The following ARHGEF3 variants were observed in gnomAD, a reference collection of about 807,000 sequenced individuals.
ARHGEF3 encodes the protein 59.8 kDA protein.
A neutral mutation model predicts 63.2 loss-of-function variants in ARHGEF3; 28 were observed. The observed-to-expected ratio is 0.44, with a 90% CI of 0.33 to 0.61. The LOEUF (loss-of-function observed/expected upper bound fraction) is 0.61. Among genes scored for constraint, ARHGEF3 ranks in the 20% least tolerant of loss-of-function variants. ARHGEF3 has a pLI of 0.03. For missense variants in ARHGEF3, 533 were observed against 659.3 expected, an observed-to-expected ratio of 0.81 and a Z score of 2.10; for synonymous variants, 266 against 254.2, an observed-to-expected ratio of 1.05 and a Z score of -0.44.
intron 2 of ARHGEF3, among the ~76,000 whole-genome samples, chr3:56,980,163 C>T (rs1327882507): frequency 6.6e-6 from 1 of 152,164 alleles, no homozygotes; most frequent in Non-Finnish European, 1.5e-5. Flanking sequence ...CCTACAAATC[C>T]AATAAGTAAG....
intron 3 of ARHGEF3, chr3:56,940,227 T>A (rs1699107763): frequency 6.6e-6 from 1 of 152,304 alleles, no homozygotes; most frequent in East Asian, 1.9e-4. Context: ...CATACCCCTG[T>A]ACCTTTAAAA....
intron 3 of ARHGEF3, among the ~76,000 whole-genome samples, chr3:56,927,827 T>C (rs907881193): frequency 1.3e-5 from 2 of 152,220 alleles, no homozygotes; most frequent in African/African-American, 4.8e-5. Flanking sequence ...GGGATAACAA[T>C]AGTACTGCCT....
At position 56,882,175 on chromosome 3, in the gene ARHGEF3, A is replaced by C. The variant is rs553125689; in HGVS notation, c.192+117T>G. ...TAAAAAAAATTTCCCCCAGGTCACA[A>C]CTTCCATAGTCAGATCCTGGAAGCC... On this transcript the variant is annotated intron_variant, in intron 4 of 12. Transcript: ENST00000338458. The C allele has an allele frequency of 5.0e-6, 5 of 1,009,606 alleles. No homozygotes were observed. The South Asian group carries it at 9.2e-5, about 19-fold the overall frequency. The allele number at this position is 1,009,606 out of a possible 1,614,324, so 62.5% of individuals were successfully genotyped here.
chr3:56,748,106 C>T (rs2034502639), intron 6 of ARHGEF3, among the ~76,000 whole-genome samples: 4 of 152,214 alleles, frequency 2.6e-5, no homozygotes, highest in Admixed American at 2.6e-4. Flanking sequence ...ATGATCATGG[C>T]TTACTGCAGC....
intron 4 of ARHGEF3, among the ~76,000 whole-genome samples, chr3:56,875,104 A>G (rs1004382379): frequency 6.6e-6 from 1 of 152,192 alleles, no homozygotes; most frequent in Non-Finnish European, 1.5e-5. Context: ...GGCCTCAGGC[A>G]AGTTTATAAC....
At chr3:56,897,627 C>T (rs2041346823) in intron 3 of ARHGEF3, among the ~76,000 whole-genome samples, 1 of 147,160 alleles carries the variant, frequency 6.8e-6, no homozygotes, top group South Asian at 2.2e-4. Flanking sequence ...GTGGTGTGAT[C>T]TCGGCTCACT....
At chr3:56,960,316 T>C (rs1223018424) in intron 2 of ARHGEF3, among the ~76,000 whole-genome samples, 1 of 152,196 alleles carries the variant, frequency 6.6e-6, no homozygotes, top group Non-Finnish European at 1.5e-5. Flanking sequence ...GGATATTAAG[T>C]GCTTTGATTC....
chr3:57,019,100 C>G (rs1703139892), intron 2 of ARHGEF3, among the ~76,000 whole-genome samples: 1 of 152,174 alleles, frequency 6.6e-6, no homozygotes, highest in African/African-American at 2.4e-5. Context: ...GCCCATAAAC[C>G]AGGACCATCC....
intron 2 of ARHGEF3, among the ~76,000 whole-genome samples, chr3:56,771,213 G>T (rs1467620960): frequency 6.6e-6 from 1 of 151,996 alleles, no homozygotes; most frequent in Non-Finnish European, 1.5e-5. Context: ...TCTCATCCTT[G>T]CTTGGCCTCA....
intron 3 of ARHGEF3, among the ~76,000 whole-genome samples, chr3:56,927,628 G>A: frequency 6.6e-6 from 1 of 152,158 alleles, no homozygotes; most frequent in East Asian, 1.9e-4. Flanking sequence ...CCTAAAGTGT[G>A]TTTGTGCAGT....
intron 2 of ARHGEF3, among the ~76,000 whole-genome samples, chr3:56,965,284 T>C (rs1700442715): frequency 6.6e-6 from 1 of 152,072 alleles, no homozygotes; most frequent in Non-Finnish European, 1.5e-5. Context: ...ACAATAAGAA[T>C]GTTATCAATA....
At chr3:56,779,476 G>GT (rs1189979162) in intron 1 of ARHGEF3, among the ~76,000 whole-genome samples, 134 of 150,908 alleles carry the variant, frequency 8.9e-4, no homozygotes, top group African/African-American at 3.0e-3. Context: ...AAAATAAAAA[G>GT]TTTTTTTTTA....
At chr3:56,939,554 A>G (rs144434006) in intron 3 of ARHGEF3, among the ~76,000 whole-genome samples, 2 of 152,340 alleles carry the variant, frequency 1.3e-5, no homozygotes, top group East Asian at 1.9e-4. Flanking sequence ...CAGTCTAGAA[A>G]TGGCTTAAGA....
At chr3:56,996,221 C>A (rs560917015) in intron 2 of ARHGEF3, among the ~76,000 whole-genome samples, 34 of 152,094 alleles carry the variant, frequency 2.2e-4, no homozygotes, top group Non-Finnish European at 4.4e-4. Flanking sequence ...TGCTGAGCCA[C>A]CCTCCCTCAT....
rs533871520 is a variant in ARHGEF3, at chr3:56,949,910, A to G, written c.129+8913T>C. Among the ~76,000 whole-genome samples the G allele has an allele frequency of 5.3e-5, 8 of 152,202 alleles. No individual in the cohort carries two copies. The South Asian group carries it at 1.5e-3, about 28-fold the overall frequency. On this transcript the variant is annotated intron_variant, in intron 3 of 12. Coordinates refer to the ARHGEF3 transcript ENST00000338458. ...ACAAGGCTACAGTAACCAAAACAGC[A>G]TGGTACTGGTACCAAAACAGAGATA... is the stretch of plus-strand genomic sequence containing the variant.
chr3:56,990,891 G>C lies in ARHGEF3; in HGVS notation c.63-32002C>G, dbSNP rs13067011. On this transcript the variant is annotated intron_variant, in intron 2 of 12. Transcript: ENST00000338458. ...CCAGAGGAACAATAATCCTGCCTAA[G>C]GGGTCAGGTGAGGGGTGAGCGTGAG... Among the ~76,000 whole-genome samples, 41 of 152,274 alleles carry C rather than the reference G, an allele frequency of 2.7e-4. 4 individuals are homozygous for C. Among genetic ancestry groups the C allele is most frequent in the Admixed American group, 2.2e-3 (34 of 15,298 alleles).
rs1482600075 is a variant in ARHGEF3, at chr3:56,929,048, CTG to C, written c.129+29773_129+29774del. Among the ~76,000 whole-genome samples the C allele has an allele frequency of 6.6e-5, 10 of 152,304 alleles. No individual in the cohort carries two copies. The East Asian group carries it at 1.9e-3, about 29-fold the overall frequency. On this transcript the variant is annotated intron_variant, in intron 3 of 12. Transcript: ENST00000338458. ...CAGCAAAAGGCCTACTATGTGCACA[CTG>C]TGAGAAAAGGGGCATCCTCTGCATT...
At chr3:56,895,816 C>G (rs914895533) in intron 3 of ARHGEF3, among the ~76,000 whole-genome samples, 1 of 152,116 alleles carries the variant, frequency 6.6e-6, no homozygotes, top group Non-Finnish European at 1.5e-5. Context: ...CAGTTATTTT[C>G]CTTACAGTTG....
At position 56,967,343 on chromosome 3, in the gene ARHGEF3, TC is replaced by T. The variant is rs1344102298; in HGVS notation, c.63-8455del. 1.4e-4 allele frequency among the ~76,000 whole-genome samples: 14 copies of T among 103,404 alleles called. 1 individual carries two copies. Among genetic ancestry groups the T allele is most frequent in the Non-Finnish European group, 2.0e-4 (11 of 55,554 alleles). The allele number at this position is 103,404 out of a possible 152,430, so 67.8% of individuals were successfully genotyped here. A position where few individuals can be genotyped will look rare whatever the true frequency, so the allele number is the denominator to read the frequency against. On this transcript the variant is annotated intron_variant, in intron 2 of 12. Coordinates refer to the ARHGEF3 transcript ENST00000338458. ...TATTATATATTATATATTGTACATA[TC>T]ATATATTATATAATATTATATTATA...
Sources: gnomAD v4.1 joint callset for allele counts (sites outside exome capture counted in the v4.1 genomes callset) on GRCh38, gnomAD v4.1.1 for gene constraint, MANE v1.5 for transcripts, NCBI Gene and HGNC (gene_info 2026-07-23, HGNC 2026-07-21) for gene names.